GALNT2: variants seen among roughly 807,000 people sequenced by gnomAD.
GALNT2 encodes the protein UDP-GalNAc:polypeptide N-acetylgalactosaminyltransferase 2.
In GALNT2, 31 loss-of-function variants were observed where a neutral mutation model predicts 81.4. The ratio of observed to expected loss-of-function variants is 0.38; its 90% CI spans 0.29 to 0.51. GALNT2 has a LOEUF of 0.51. Among genes scored for constraint, GALNT2 ranks in the 20% least tolerant of loss-of-function variants. GALNT2 has a pLI of 0.87. For synonymous variants in GALNT2, 303 were observed against 287.4 expected (o/e 1.05, Z -0.55); for missense variants, 629 against 765.7 (o/e 0.82, Z 2.11).
chr1:230,152,532 C>T (rs1195061032), intron 1 of GALNT2, among the ~76,000 whole-genome samples: 1 of 151,956 alleles, frequency 6.6e-6, no homozygotes, highest in Non-Finnish European at 1.5e-5. Flanking sequence ...GATGGATGGG[C>T]GTGCATGTAT....
chr1:230,154,664 G>A (rs1411990331), intron 1 of GALNT2, among the ~76,000 whole-genome samples: 1 of 152,194 alleles, frequency 6.6e-6, no homozygotes, highest in Non-Finnish European at 1.5e-5. Context: ...CACGTGGAGG[G>A]AAGACAGTGA....
intron 8 of GALNT2, among the ~76,000 whole-genome samples, chr1:230,246,691 C>CCCCT (rs1265561335): frequency 1.3e-5 from 2 of 152,142 alleles, no homozygotes; most frequent in African/African-American, 4.8e-5. Flanking sequence ...GTTTCTTGTA[C>CCCCT]CCCTCTTTCC....
rs1353418718 is a variant in GALNT2, at chr1:230,193,329, T to C, written c.221-9808T>C. Among the ~76,000 whole-genome samples, 1 of 152,178 alleles carries C rather than the reference T, an allele frequency of 6.6e-6. No individual in the cohort carries two copies. The highest frequency in any genetic ancestry group is 1.5e-5 in the Non-Finnish European group (1 of 68,030). ...CCTGCATCCAGGAAGATACCTCCCC[T>C]CCCCTTGTACACCTGCGGGTGGTAG... On this transcript the variant is annotated intron_variant, in intron 2 of 15. Transcript: ENST00000366672. The surrounding 1 kb of genome is among the most constrained non-coding windows in gnomAD (Gnocchi z 4.3).
chr1:230,086,886 A>C (rs990093882), intron 1 of GALNT2, among the ~76,000 whole-genome samples: 2 of 152,170 alleles, frequency 1.3e-5, no homozygotes, highest in Non-Finnish European at 2.9e-5. Context: ...CAGCCCTGCC[A>C]CTTACCTGTG....
At chr1:230,150,561 G>A (rs574221222) in intron 1 of GALNT2, among the ~76,000 whole-genome samples, 4 of 152,346 alleles carry the variant, frequency 2.6e-5, no homozygotes, top group African/African-American at 4.8e-5. Flanking sequence ...GGGGAGGGAT[G>A]TGTGACTTGA....
chr1:230,074,540 G>T (rs577889893), intron 1 of GALNT2, among the ~76,000 whole-genome samples: 1 of 152,280 alleles, frequency 6.6e-6, no homozygotes, highest in African/African-American at 2.4e-5. Flanking sequence ...GCGAGGGTGG[G>T]AGGTGGGCAG....
chr1:230,264,434 G>A (rs984596711), intron 13 of GALNT2: 2 of 152,344 alleles, frequency 1.3e-5, no homozygotes, highest in Admixed American at 6.5e-5. Flanking sequence ...GTCACCCATG[G>A]TTTGTAGTGA....
At chr1:230,245,758 T>C (rs1459217100) in intron 7 of GALNT2, among the ~76,000 whole-genome samples, 3 of 152,202 alleles carry the variant, frequency 2.0e-5, no homozygotes, top group African/African-American at 7.2e-5. Flanking sequence ...TGCCTTTAGC[T>C]GGGTGAACTG....
intron 1 of GALNT2, among the ~76,000 whole-genome samples, chr1:230,129,658 AG>A (rs1320137299): frequency 1.3e-5 from 2 of 152,188 alleles, no homozygotes; most frequent in Non-Finnish European, 2.9e-5. Flanking sequence ...AATACACCCA[AG>A]GGTCCTTACT....
rs574248220 is a variant in GALNT2 at position 230,104,900 on chromosome 1, G to T, written c.126+37494G>T. The stretch of plus-strand genomic sequence containing the variant: ...CACACAGGACGCTTGCAGTCCCCCC[G>T]TTCTAAGCGTAGGTTTTGCAACTGC... On this transcript the variant is annotated intron_variant, in intron 1 of 15. Transcript: ENST00000366672. Among the ~76,000 whole-genome samples the T allele has an allele frequency of 6.6e-5, 10 of 152,320 alleles. No individual in the cohort carries two copies. The East Asian group carries it at 1.7e-3, about 26-fold the overall frequency.
At chr1:230,170,907 A>T (rs1662772575) in intron 1 of GALNT2, among the ~76,000 whole-genome samples, 1 of 152,190 alleles carries the variant, frequency 6.6e-6, no homozygotes, top group Non-Finnish European at 1.5e-5. Flanking sequence ...CTCACCTCCA[A>T]CATTGGGGAT....
At chr1:230,209,120 C>T (rs369181407) in intron 3 of GALNT2, among the ~76,000 whole-genome samples, 247 of 152,240 alleles carry the variant, frequency 1.6e-3, no homozygotes, top group African/African-American at 5.7e-3. Flanking sequence ...TCTCCATCAG[C>T]CAGCCCTCAA....
chr1:230,159,363 G>C (rs981300550), intron 1 of GALNT2, among the ~76,000 whole-genome samples: 2 of 152,106 alleles, frequency 1.3e-5, no homozygotes, highest in African/African-American at 4.8e-5. Context: ...GAGTTTATTA[G>C]AAGGATCAGA....
chr1:230,171,955 G>A (rs1376647430), intron 1 of GALNT2, among the ~76,000 whole-genome samples: 1 of 151,950 alleles, frequency 6.6e-6, no homozygotes, highest in African/African-American at 2.4e-5. Flanking sequence ...CTGGCTGGGT[G>A]CAGCAGTCTC....
At position 230,067,313 on chromosome 1, in the gene GALNT2, C is replaced by A; in HGVS notation, c.33C>A (p.Phe11Leu). 1 of 1,383,522 alleles carries A rather than the reference C, an allele frequency of 7.2e-7. No homozygotes were observed. The highest frequency in any genetic ancestry group is 3.3e-5 in the East Asian group (1 of 30,146). 85.7% of individuals were successfully genotyped at this position (1,383,522 alleles called of 1,614,324 possible). The change falls in exon 1 of 16, where the codon TTC (phenylalanine) becomes TTA (leucine). Residue 11 changes from phenylalanine to leucine, a missense_variant. Phe to Leu is a conservative substitution (Grantham distance 22). This residue lies in a region of GALNT2 where 62 missense variants were observed against 47.3 expected (regional missense o/e 1.31). Transcript: ENST00000366672. ...GGCGCTCGCGGATGCTGCTCTGCTT[C>A]GCCTTCCTGTGGGTGCTGGGCATCG... is the stretch of plus-strand genomic sequence containing the variant. Reference protein sequence around the residue: MRRRSRMLLCFAFLWVLGIAY... With the variant: MRRRSRMLLCLAFLWVLGIAY...
At chr1:230,063,468 A>G (rs1196899389), upstream of GALNT2, among the ~76,000 whole-genome samples, 1 of 152,112 alleles carries the variant, frequency 6.6e-6, no homozygotes, top group African/African-American at 2.4e-5. Context: ...CATGAGGTAC[A>G]TTTTGTCCTT....
intron 1 of GALNT2, among the ~76,000 whole-genome samples, chr1:230,158,373 G>A (rs1662326732): frequency 6.6e-6 from 1 of 152,240 alleles, no homozygotes; most frequent in South Asian, 2.1e-4. Flanking sequence ...CATTATATAT[G>A]CACTGTCTTT....
At chr1:230,222,658 C>A (rs957493813) in intron 3 of GALNT2, among the ~76,000 whole-genome samples, 1 of 152,010 alleles carries the variant, frequency 6.6e-6, no homozygotes, top group African/African-American at 2.4e-5. Context: ...TGGAGTCAGA[C>A]ATTACAACTT....
chr1:230,075,613 G>T (rs927989293), intron 1 of GALNT2, among the ~76,000 whole-genome samples: 1 of 152,152 alleles, frequency 6.6e-6, no homozygotes, highest in Non-Finnish European at 1.5e-5. Context: ...GGCACTGCTT[G>T]AGTGTTTGGG....
Sources: allele counts gnomAD v4.1 joint callset (sites outside exome capture counted in the v4.1 genomes callset), GRCh38; gene constraint gnomAD v4.1.1; regional missense constraint gnomAD v4.1.1; non-coding constraint Gnocchi (gnomAD v3.1); transcripts MANE v1.5; gene names NCBI Gene and HGNC (gene_info 2026-07-23, HGNC 2026-07-21).